Variants in PDE1C observed in about 807,000 individuals in gnomAD.
PDE1C encodes dual specificity calcium/calmodulin-dependent 3',5'-cyclic nucleotide phosphodiesterase 1C.
A neutral mutation model predicts 93.1 loss-of-function variants in PDE1C; 62 were observed. That is an observed-to-expected ratio of 0.67 (90% confidence interval 0.54 to 0.82). PDE1C has a LOEUF of 0.82. Ranked by LOEUF, PDE1C falls within the 40% of genes least tolerant of loss-of-function variation. The probability of loss-of-function intolerance (pLI) is 0.00; values close to 1 mark genes in which losing one functional copy is unlikely to be tolerated. For missense variants in PDE1C, 742 were observed against 884.6 expected (o/e 0.84, Z 2.04); for synonymous variants, 325 against 310.1 (o/e 1.05, Z -0.50).
intron 3 of PDE1C, among the ~76,000 whole-genome samples, chr7:32,140,140 G>T (rs895974871): frequency 6.6e-6 from 1 of 152,186 alleles, no homozygotes; most frequent in Non-Finnish European, 1.5e-5. Flanking sequence ...TCTATTAAGT[G>T]CTGGATAGGC....
intron 2 of PDE1C, among the ~76,000 whole-genome samples, chr7:32,041,553 G>A (rs10259038): frequency 0.16 from 24,415 of 152,186 alleles, 2,508 homozygotes; most frequent in East Asian, 0.3. Context: ...AGGCAGTATC[G>A]TATTAAATCA....
intron 2 of PDE1C, among the ~76,000 whole-genome samples, chr7:32,187,786 C>T (rs1803980042): frequency 6.6e-6 from 1 of 150,734 alleles, no homozygotes; most frequent in South Asian, 2.1e-4. Context: ...GTCATTTTAA[C>T]ATATAATCAA....
At chr7:31,760,698 G>A (rs1389125721) in intron 17 of PDE1C, among the ~76,000 whole-genome samples, 2 of 150,508 alleles carry the variant, frequency 1.3e-5, no homozygotes, top group Non-Finnish European at 2.9e-5. Context: ...CAAACATAAT[G>A]CTATGATATG....
chr7:32,067,542 A>C (rs1024691162), intron 1 of PDE1C, among the ~76,000 whole-genome samples: 1 of 152,206 alleles, frequency 6.6e-6, no homozygotes, highest in East Asian at 1.9e-4. Context: ...TAACCACAGA[A>C]ATCCTCTTGC....
intron 1 of PDE1C, among the ~76,000 whole-genome samples, chr7:32,320,278 C>G (rs1391307636): frequency 6.6e-6 from 1 of 151,962 alleles, no homozygotes; most frequent in Non-Finnish European, 1.5e-5. Context: ...GTTTTCTATC[C>G]TCTTGGTTAG....
At chr7:32,015,307 A>AG in intron 2 of PDE1C, among the ~76,000 whole-genome samples, 1 of 151,152 alleles carries the variant, frequency 6.6e-6, no homozygotes, top group South Asian at 2.1e-4. Flanking sequence ...AAAAAAAAAA[A>AG]CCACAGGGAG....
chr7:32,266,636 T>C (rs1011549711), intron 1 of PDE1C, among the ~76,000 whole-genome samples: 5 of 152,150 alleles, frequency 3.3e-5, no homozygotes, highest in Non-Finnish European at 5.9e-5. Context: ...CATGATGTGA[T>C]AGATAAGGTC....
chr7:32,193,311 G>A (rs1255170480), intron 2 of PDE1C, among the ~76,000 whole-genome samples: 1 of 152,054 alleles, frequency 6.6e-6, no homozygotes, highest in Non-Finnish European at 1.5e-5. Context: ...TTATCAAGTT[G>A]AAGAAATTCC....
At chr7:32,134,795 G>C (rs760299125) in intron 3 of PDE1C, among the ~76,000 whole-genome samples, 48 of 152,096 alleles carry the variant, frequency 3.2e-4, no homozygotes, top group African/African-American at 9.9e-4. Context: ...AGATAGGACA[G>C]ATAGCTAATG....
At position 32,141,677 on chromosome 7, in the gene PDE1C, G is replaced by A. The variant is rs1800540645; in HGVS notation, c.308+28108C>T. On this transcript the variant is annotated intron_variant, in intron 3 of 18. Coordinates refer to the PDE1C transcript ENST00000396193. The stretch of plus-strand genomic sequence containing the variant: ...GACCAGGGGAAACTTAAAGAACAAG[G>A]ACAACTAAATGCAGTGTGGTACCCT... Among the ~76,000 whole-genome samples, 3 of 152,274 alleles carry A rather than the reference G, an allele frequency of 2.0e-5. No individual in the cohort carries two copies. The South Asian group carries it at 6.2e-4, about 32-fold the overall frequency.
intron 13 of PDE1C, among the ~76,000 whole-genome samples, chr7:31,824,616 TGGCAGGGG>T (rs1279998701): frequency 6.6e-6 from 1 of 151,930 alleles, no homozygotes; most frequent in African/African-American, 2.4e-5. Flanking sequence ...GCAAATAGGG[TGGCAGGGG>T]GGCAGCACCA....
At chr7:31,998,249 G>A (rs531482835) in intron 2 of PDE1C, among the ~76,000 whole-genome samples, 18 of 152,090 alleles carry the variant, frequency 1.2e-4, no homozygotes, top group Admixed American at 1.2e-3. Context: ...TCGATCTCCT[G>A]ACCTCGTGAT....
chr7:31,857,318 A>G (rs1794147872), intron 7 of PDE1C, among the ~76,000 whole-genome samples: 1 of 151,958 alleles, frequency 6.6e-6, no homozygotes, highest in Admixed American at 6.6e-5. Context: ...AATGTCTCTG[A>G]TTTTGTTTGA....
intron 1 of PDE1C, among the ~76,000 whole-genome samples, chr7:32,413,032 T>C (rs941834853): frequency 2.6e-5 from 4 of 152,172 alleles, no homozygotes; most frequent in Non-Finnish European, 5.9e-5. Context: ...GGGTTTGGGT[T>C]ACACAAGCGT....
intron 1 of PDE1C, among the ~76,000 whole-genome samples, chr7:32,212,146 T>C (rs1264107435): frequency 1.3e-5 from 2 of 151,874 alleles, no homozygotes; most frequent in East Asian, 1.9e-4. Context: ...ACAAAGACCA[T>C]TGCAATTGCT....
intron 2 of PDE1C, among the ~76,000 whole-genome samples, chr7:31,953,136 A>G (rs890268906): frequency 8.5e-5 from 13 of 152,372 alleles, no homozygotes; most frequent in East Asian, 3.9e-4. Flanking sequence ...GCCATTTAAA[A>G]TAAGAGATTA....
chr7:31,684,243 A>G, the PDE1C span, among the ~76,000 whole-genome samples: 3 of 152,216 alleles, frequency 2.0e-5, no homozygotes, highest in Non-Finnish European at 4.4e-5. Flanking sequence ...CAAAGGGGAA[A>G]TCAGGGATTC....
the PDE1C span, among the ~76,000 whole-genome samples, chr7:31,627,956 G>A: frequency 6.6e-6 from 1 of 152,146 alleles, no homozygotes; most frequent in Non-Finnish European, 1.5e-5. Flanking sequence ...TTAGAAAGGG[G>A]CTATTTACTG....
intron 3 of PDE1C, among the ~76,000 whole-genome samples, chr7:32,157,584 T>C (rs1252943742): frequency 6.6e-6 from 1 of 151,922 alleles, no homozygotes; most frequent in African/African-American, 2.4e-5. Context: ...ATTGGGACAT[T>C]TGGTGAAATT....
Sources: allele counts gnomAD v4.1 joint callset (sites outside exome capture counted in the v4.1 genomes callset), GRCh38; gene constraint gnomAD v4.1.1; transcripts MANE v1.5; gene names NCBI Gene and HGNC (gene_info 2026-07-23, HGNC 2026-07-21).